The following PHYHIPL variants were observed in gnomAD, a reference collection of about 807,000 sequenced individuals.
PHYHIPL encodes phytanoyl-CoA 2-hydroxylase interacting protein like, also known as phytanoyl-CoA hydroxylase-interacting protein-like.
A neutral mutation model predicts 33.4 loss-of-function variants in PHYHIPL; 9 were observed. The observed-to-expected ratio is 0.27, with a 90% CI of 0.16 to 0.47. PHYHIPL has a LOEUF of 0.47. Ranked by LOEUF, PHYHIPL falls within the 20% of genes least tolerant of loss-of-function variation. The pLI is 0.99. For synonymous variants in PHYHIPL, 153 were observed against 154.1 expected (o/e 0.99, Z 0.05); for missense variants, 365 against 460.7 (o/e 0.79, Z 1.90).
In PHYHIPL at chr10:59,176,895, C is replaced by T. The variant is rs538414595; in HGVS notation, c.42C>T (p.Thr14=). The part of the protein sequence containing the change: ...PRLDHALNSP[T]SPCEEVIKNL... Reference sequence around the variant, plus strand: ...TGGATCATGCCCTCAACAGCCCCACCAGCCCCTGTGAGGAGGTGATCAAAA... The same window carrying T: ...TGGATCATGCCCTCAACAGCCCCACTAGCCCCTGTGAGGAGGTGATCAAAA... The change falls in exon 1 of 5, where the codon ACC becomes ACT. Residue 14 remains threonine, a synonymous_variant. Transcript: ENST00000373880. 3 of 1,613,732 alleles carry T rather than the reference C, an allele frequency of 1.9e-6. No individual in the cohort carries two copies. In the South Asian group the frequency reaches 3.3e-5, roughly 18 times the overall value.
intron 1 of PHYHIPL, among the ~76,000 whole-genome samples, chr10:59,188,003 G>A (rs897911848): frequency 1.3e-5 from 2 of 152,106 alleles, no homozygotes; most frequent in African/African-American, 4.8e-5. Context: ...CTTGGCTTCT[G>A]CTAGCTTTTG....
intron 1 of PHYHIPL, among the ~76,000 whole-genome samples, chr10:59,219,396 G>A (rs1839701079): frequency 6.6e-6 from 1 of 152,020 alleles, no homozygotes; most frequent in South Asian, 2.1e-4. Flanking sequence ...TAGTTACTCA[G>A]GTAGGAATAA....
At position 59,246,209 on chromosome 10, in the gene PHYHIPL, A is replaced by G. The variant is rs1821054733; in HGVS notation, c.*618A>G. The G allele has an allele frequency of 6.5e-6, 1 of 153,548 alleles. No individual in the cohort carries two copies. Among genetic ancestry groups the G allele is most frequent in the Non-Finnish European group, 1.5e-5 (1 of 68,688 alleles). The allele number at this position is 153,548 out of a possible 1,614,324, so 9.5% of individuals were successfully genotyped here. ...TATAGAATATATAGAGTTACATTTT[A>G]ATAGCAACTGTGTACATGTCACGAA... On this transcript the variant is annotated 3_prime_UTR_variant, in exon 5 of 5. Coordinates refer to ENST00000373880, the MANE Select transcript of PHYHIPL (RefSeq NM_032439.4).
At chr10:59,204,733 T>C (rs1200156976) in intron 1 of PHYHIPL, among the ~76,000 whole-genome samples, 1 of 152,172 alleles carries the variant, frequency 6.6e-6, no homozygotes, top group Admixed American at 6.5e-5. Flanking sequence ...TCCACTATGC[T>C]TTTAGTCATA....
At chr10:59,240,235 C>T (rs890646813) in intron 4 of PHYHIPL, among the ~76,000 whole-genome samples, 19 of 151,944 alleles carry the variant, frequency 1.3e-4, no homozygotes, top group Non-Finnish European at 1.5e-5. Flanking sequence ...ATAGATATAA[C>T]ATAAATTATT....
chr10:59,222,720 G>A (rs1839812658), intron 1 of PHYHIPL, among the ~76,000 whole-genome samples: 1 of 23,578 alleles, frequency 4.2e-5, no homozygotes, highest in Admixed American at 6.6e-4. Context: ...GAAAAGTGGG[G>A]GGGGTTTCAA....
chr10:59,235,534 G>T (rs1840203312), intron 2 of PHYHIPL, among the ~76,000 whole-genome samples: 2 of 151,824 alleles, frequency 1.3e-5, no homozygotes, highest in South Asian at 4.1e-4. Flanking sequence ...AAAGATAAGT[G>T]AGGATCATAC....
intron 1 of PHYHIPL, among the ~76,000 whole-genome samples, chr10:59,185,787 C>G (rs941576932): frequency 6.6e-6 from 1 of 152,056 alleles, no homozygotes; most frequent in African/African-American, 2.4e-5. Flanking sequence ...CTGTTCATAT[C>G]CTTTGCCCAC....
At chr10:59,242,203 G>A (rs1013228039) in intron 4 of PHYHIPL, among the ~76,000 whole-genome samples, 2 of 152,162 alleles carry the variant, frequency 1.3e-5, no homozygotes, top group Admixed American at 6.5e-5. Flanking sequence ...CCCTCATAGT[G>A]TGTGAAGCCA....
At chr10:59,194,904 TAC>T (rs1838869417) in intron 1 of PHYHIPL, among the ~76,000 whole-genome samples, 1 of 152,216 alleles carries the variant, frequency 6.6e-6, no homozygotes, top group Non-Finnish European at 1.5e-5. Flanking sequence ...TTCTGGCATT[TAC>T]CTGTGAGTGT....
chr10:59,219,383 C>A (rs1351806436), intron 1 of PHYHIPL: 1 of 268,878 alleles, frequency 3.7e-6, no homozygotes, highest in African/African-American at 2.3e-5. Flanking sequence ...ATAAAAGTGT[C>A]TGTAGTTACT....
intron 4 of PHYHIPL, among the ~76,000 whole-genome samples, chr10:59,240,652 C>CA (rs547609334): frequency 1.5e-4 from 23 of 151,322 alleles, no homozygotes; most frequent in Admixed American, 4.0e-4. Context: ...AATTTGAAAA[C>CA]AAAAAAAACC....
chr10:59,191,871 A>G (rs1838792639), intron 1 of PHYHIPL, among the ~76,000 whole-genome samples: 1 of 150,834 alleles, frequency 6.6e-6, no homozygotes, highest in Non-Finnish European at 1.5e-5. Context: ...GAAAAAGTAT[A>G]ACTTTATCCC....
intron 1 of PHYHIPL, among the ~76,000 whole-genome samples, chr10:59,209,534 A>G (rs944923921): frequency 5.9e-5 from 9 of 152,182 alleles, no homozygotes; most frequent in African/African-American, 2.2e-4. Context: ...CAGGCAAAAT[A>G]ACCAGCTAAC....
intron 1 of PHYHIPL, among the ~76,000 whole-genome samples, chr10:59,197,189 C>T (rs984305011): frequency 6.6e-6 from 1 of 152,142 alleles, no homozygotes; most frequent in Non-Finnish European, 1.5e-5. Context: ...AGATAAAAAT[C>T]CCTTGAATTC....
chr10:59,193,568 A>C (rs1385144697), intron 1 of PHYHIPL, among the ~76,000 whole-genome samples: 1 of 152,138 alleles, frequency 6.6e-6, no homozygotes, highest in East Asian at 1.9e-4. Flanking sequence ...ACTAATTTTC[A>C]TGTTTACTAG....
At chr10:59,210,726 A>G (rs902289467) in intron 1 of PHYHIPL, among the ~76,000 whole-genome samples, 1 of 152,210 alleles carries the variant, frequency 6.6e-6, no homozygotes, top group Non-Finnish European at 1.5e-5. Flanking sequence ...CACATACACC[A>G]TGGAATACTA....
chr10:59,212,723 C>T (rs1839496591), intron 1 of PHYHIPL, among the ~76,000 whole-genome samples: 1 of 152,160 alleles, frequency 6.6e-6, no homozygotes, highest in African/African-American at 2.4e-5. Context: ...AATCATTGCT[C>T]AATTAAACTC....
chr10:59,188,968 A>T (rs1433951145), intron 1 of PHYHIPL, among the ~76,000 whole-genome samples: 1 of 152,120 alleles, frequency 6.6e-6, no homozygotes, highest in East Asian at 1.9e-4. Flanking sequence ...CTATATATGC[A>T]CATGCGTTTC....
Sources: allele counts gnomAD v4.1 joint callset (sites outside exome capture counted in the v4.1 genomes callset), GRCh38; gene constraint gnomAD v4.1.1; transcripts MANE v1.5; gene names NCBI Gene and HGNC (gene_info 2026-07-23, HGNC 2026-07-21).